Variants in MCCC1 observed in about 807,000 individuals in gnomAD.
MCCC1 encodes methylcrotonyl-CoA carboxylase subunit 1.
A neutral mutation model predicts 83.8 loss-of-function variants in MCCC1; 64 were observed. That is an observed-to-expected ratio of 0.76 (90% CI 0.62 to 0.94). MCCC1 has a LOEUF of 0.94. MCCC1 is among the 40% of genes least tolerant of loss of function. MCCC1 has a pLI of 0.00. For synonymous variants in MCCC1, 322 were observed against 315.4 expected (o/e 1.02, Z -0.22); for missense variants, 807 against 904.7 (o/e 0.89, Z 1.39).
chr3:183,099,734 T>A (rs1189193872), upstream of MCCC1: 6 of 522,432 alleles, frequency 1.1e-5, no homozygotes, highest in East Asian at 1.6e-4. Flanking sequence ...GTTTTCTCCA[T>A]CCTCCCCCTC....
rs563718218 is a variant in MCCC1 at position 183,106,081 on chromosome 3, T to TAAAAAAAAAAAAAAAAA, written c.-102+9392_-102+9393insTTTTTTTTTTTTTTTTT. Among the ~76,000 whole-genome samples, 187 of 101,010 alleles carry TAAAAAAAAAAAAAAAAA rather than the reference T, an allele frequency of 1.9e-3. 6 individuals are homozygous for TAAAAAAAAAAAAAAAAA. The highest frequency in any genetic ancestry group is 6.3e-3 in the African/African-American group (174 of 27,746). The allele number at this position is 101,010 out of a possible 152,430, so 66.3% of individuals were successfully genotyped here. ...TCCAGCCTGAGCAACAGAGAGTCCG[T>TAAAAAAAAAAAAAAAAA]AAAAAAAAAAAAAAAGACTACCAAA... On this transcript the variant is annotated intron_variant, in intron 1 of 17. Coordinates refer to the MCCC1 transcript ENST00000492597.
At chr3:183,107,544 T>C (rs565036154) in intron 1 of MCCC1, among the ~76,000 whole-genome samples, 1 of 151,998 alleles carries the variant, frequency 6.6e-6, no homozygotes, top group East Asian at 1.9e-4. Flanking sequence ...TTTGTTGTTG[T>C]TGTTGTTGTT....
chr3:183,079,014 C>A (rs201005723), intron 4 of MCCC1, among the ~76,000 whole-genome samples: 1 of 152,238 alleles, frequency 6.6e-6, no homozygotes, highest in East Asian at 1.9e-4. Flanking sequence ...GAAAGACCTG[C>A]CCCCATAATT....
chr3:183,033,892 T>C, intron 14 of MCCC1, 99 bp downstream of exon 14: 2 of 902,710 alleles, frequency 2.2e-6, no homozygotes, highest in Admixed American at 1.9e-5. Context: ...ATTTAAAAAA[T>C]GTAACTGACT....
chr3:183,096,376 GAAAC>G (rs954695786), intron 1 of MCCC1, among the ~76,000 whole-genome samples: 5 of 151,934 alleles, frequency 3.3e-5, no homozygotes, highest in African/African-American at 1.2e-4. Context: ...CATATGCAGG[GAAAC>G]AAACAAATTA....
At chr3:183,104,170 T>C (rs547674201), upstream of MCCC1, among the ~76,000 whole-genome samples, 438 of 152,332 alleles carry the variant, frequency 2.9e-3, 2 homozygotes, top group Non-Finnish European at 4.9e-3. Context: ...GCTCCGGCCT[T>C]GGCCAGCCTA....
At chr3:183,101,748 A>G (rs1719309588), upstream of MCCC1, among the ~76,000 whole-genome samples, 2 of 152,318 alleles carry the variant, frequency 1.3e-5, no homozygotes, top group South Asian at 2.1e-4. Context: ...CGCTCTTTGC[A>G]ATAAATCTTG....
At chr3:183,016,849 T>A (rs1711682638) in intron 18 of MCCC1, among the ~76,000 whole-genome samples, 1 of 152,230 alleles carries the variant, frequency 6.6e-6, no homozygotes, top group Non-Finnish European at 1.5e-5. Context: ...GATTGCGGTT[T>A]TCACTTTGAA....
intron 8 of MCCC1, among the ~76,000 whole-genome samples, chr3:183,055,630 C>T (rs752087663): frequency 2.0e-5 from 3 of 151,588 alleles, no homozygotes; most frequent in Non-Finnish European, 2.9e-5. Context: ...AGCACAGTGG[C>T]TCGGGCCTGT....
At chr3:183,049,356 G>A (rs1006669855) in intron 9 of MCCC1, among the ~76,000 whole-genome samples, 6 of 151,986 alleles carry the variant, frequency 3.9e-5, no homozygotes, top group African/African-American at 1.4e-4. Context: ...CAGCTCAAAA[G>A]GTCAAGAGAT....
chr3:183,099,416 C>T lies in MCCC1; in HGVS notation c.25G>A (p.Val9Met). ...TTCCTCTCCGCCGCCACCAGCAGCA[C>T]CGACACCGCAGAGGCCGCCGCCATG... is the stretch of plus-strand genomic sequence containing the variant. MAAASAVSVLLVAAERNRW... is the reference protein window; with the variant it reads MAAASAVSMLLVAAERNRW... Residue 9 changes from valine to methionine, a missense_variant, in exon 1 of 19, where the codon GTG becomes ATG. Val to Met is a conservative substitution (Grantham distance 21). Transcript: ENST00000265594. The T allele has an allele frequency of 6.2e-7, 1 of 1,607,714 alleles. No individual in the cohort carries two copies. Among genetic ancestry groups the T allele is most frequent in the Non-Finnish European group, 8.5e-7 (1 of 1,178,240 alleles).
At position 183,071,375 on chromosome 3, in the gene MCCC1, AAAC is replaced by A. The variant is rs1333105109; in HGVS notation, c.492-21_492-19del. The A allele has an allele frequency of 6.2e-7, 1 of 1,614,242 alleles. No homozygotes were observed. The highest frequency in any genetic ancestry group is 1.1e-5 in the South Asian group (1 of 91,092). On this transcript the variant is annotated intron_variant, in intron 5 of 18. Transcript: ENST00000265594. ...TGGATGTGCTTTAGAGTGGGAAAGA[AAAC>A]AACATGCCCCAAATTCTACAAATTA...
At chr3:183,047,792 A>G (rs938287372) in intron 9 of MCCC1, among the ~76,000 whole-genome samples, 4 of 151,882 alleles carry the variant, frequency 2.6e-5, no homozygotes, top group African/African-American at 9.7e-5. Flanking sequence ...ATTCTGAAAA[A>G]CAGTGAGAAA....
intron 7 of MCCC1, among the ~76,000 whole-genome samples, chr3:183,070,070 G>GT (rs759064252): frequency 2.0e-5 from 3 of 152,190 alleles, no homozygotes; most frequent in Non-Finnish European, 4.4e-5. Flanking sequence ...TGAGGTTGTT[G>GT]TAAGAATTAT....
intron 11 of MCCC1, 76 bp downstream of exon 11, chr3:183,041,491 G>A (rs1166246605): frequency 1.4e-6 from 2 of 1,461,326 alleles, no homozygotes; most frequent in African/African-American, 1.4e-5. Flanking sequence ...AAGACTCAGG[G>A]ATAAGAATGT....
At chr3:183,028,996 C>T (rs536367194) in intron 14 of MCCC1, 1 of 152,204 alleles carries the variant, frequency 6.6e-6, no homozygotes, top group South Asian at 2.1e-4. Context: ...AAGGTATATA[C>T]ATTGTTTTTA....
chr3:183,043,347 G>C (rs1488719269), intron 10 of MCCC1, among the ~76,000 whole-genome samples: 1 of 152,188 alleles, frequency 6.6e-6, no homozygotes, highest in East Asian at 1.9e-4. Context: ...GCTTCCACTT[G>C]AGCCCAGAAA....
intron 13 of MCCC1, 33 bp downstream of exon 13, chr3:183,037,185 G>T: frequency 6.2e-7 from 1 of 1,605,094 alleles, no homozygotes; most frequent in South Asian, 1.1e-5. Context: ...TGCAAAACTT[G>T]ACAAGCAGAG....
chr3:183,047,476 G>T (rs147702680), intron 9 of MCCC1, among the ~76,000 whole-genome samples: 4 of 152,248 alleles, frequency 2.6e-5, no homozygotes, highest in African/African-American at 9.6e-5. Context: ...AAAAAACACA[G>T]TTTGAAGAGA....
Sources: allele counts gnomAD v4.1 joint callset (sites outside exome capture counted in the v4.1 genomes callset), GRCh38; gene constraint gnomAD v4.1.1; transcripts MANE v1.5; gene names NCBI Gene and HGNC (gene_info 2026-07-23, HGNC 2026-07-21).